Variants in AFF1 observed in about 807,000 individuals in gnomAD.
AFF1 encodes the protein ALF transcription elongation factor 1, also known as AF4/FMR2 family member 1.
A neutral mutation model predicts 121.7 loss-of-function variants in AFF1; 48 were observed. The ratio of observed to expected loss-of-function variants is 0.39; its 90% confidence interval spans 0.31 to 0.50. AFF1 has a LOEUF of 0.50. AFF1 is among the 20% of genes least tolerant of loss of function. The pLI is 0.76. For missense variants in AFF1, 1,523 were observed against 1,511.7 expected (o/e 1.01, Z -0.12); for synonymous variants, 613 against 563.0 (o/e 1.09, Z -1.26).
intron 2 of AFF1, among the ~76,000 whole-genome samples, chr4:87,044,808 C>T (rs1168897734): frequency 2.6e-5 from 4 of 152,086 alleles, no homozygotes; most frequent in Non-Finnish European, 5.9e-5. Flanking sequence ...AGGGGATGGA[C>T]GTGACTGACT....
chr4:86,998,189 G>C (rs1311642084), intron 2 of AFF1, among the ~76,000 whole-genome samples: 1 of 151,500 alleles, frequency 6.6e-6, no homozygotes, highest in Non-Finnish European at 1.5e-5. Flanking sequence ...ATGGAACAGG[G>C]CTCTATTTTA....
At chr4:87,089,531 C>T (rs765976269) in intron 5 of AFF1, among the ~76,000 whole-genome samples, 6 of 152,166 alleles carry the variant, frequency 3.9e-5, no homozygotes, top group Non-Finnish European at 8.8e-5. Flanking sequence ...TACTTGTTTG[C>T]TTAAGTCAAA....
chr4:87,006,995 T>A, intron 2 of AFF1: 1 of 1,083,472 alleles, frequency 9.2e-7, no homozygotes, highest in Admixed American at 5.1e-5. Flanking sequence ...AGAGGCAATT[T>A]CTTTTCCTTT....
chr4:87,114,468 A>G lies in AFF1; in HGVS notation c.1635A>G (p.Pro545=). Residue 545 remains proline, a synonymous_variant, in exon 12 of 21, where the codon CCA becomes CCG. Coordinates refer to ENST00000395146, the MANE Select transcript of AFF1 (RefSeq NM_001166693.3). ...AGGGCCCCAGGAGCACAGAGCCCCC[A>G]CGGCGGCACCCAGAGAGTAAGGGCA... is the stretch of plus-strand genomic sequence containing the variant. ...PPEGPRSTEP[P]RRHPESKGSS... is the part of the protein sequence containing the mutation. 1 of 1,613,596 alleles carries G rather than the reference A, an allele frequency of 6.2e-7. No individual in the cohort carries two copies. The highest frequency in any genetic ancestry group is 8.5e-7 in the Non-Finnish European group (1 of 1,179,964).
intron 2 of AFF1, among the ~76,000 whole-genome samples, chr4:87,012,509 A>C (rs76914594): frequency 6.6e-6 from 1 of 152,190 alleles, no homozygotes; most frequent in Admixed American, 6.5e-5. Context: ...GAGTGAGTAC[A>C]TAACTTTTAC....
At chr4:87,130,889 T>C (rs1348873615) in intron 16 of AFF1, among the ~76,000 whole-genome samples, 194 bp from the exon 17 acceptor site, 1 of 152,230 alleles carries the variant, frequency 6.6e-6, no homozygotes, top group African/African-American at 2.4e-5. Flanking sequence ...TCCTAATGAA[T>C]TTTTGCTAAA....
chr4:86,979,343 C>T (rs907439190), intron 2 of AFF1, among the ~76,000 whole-genome samples: 1 of 152,182 alleles, frequency 6.6e-6, no homozygotes, highest in Non-Finnish European at 1.5e-5. Context: ...AGGTGATCCT[C>T]CCGCCTCGGC....
Position 87,128,048 on chromosome 4 carries a change from C to T in AFF1, c.2964+345C>T, listed in dbSNP as rs533520266. ...TAATCTACCTGCTGGTGATTTAATG[C>T]ATAGGTGCCTTTTTATTCCACTGCA... On this transcript the variant is annotated intron_variant, in intron 16 of 20. Coordinates refer to ENST00000395146, the MANE Select transcript of AFF1 (RefSeq NM_001166693.3). Among the ~76,000 whole-genome samples the T allele has an allele frequency of 2.0e-5, 3 of 152,290 alleles. No individual in the cohort carries two copies. The South Asian group carries it at 6.2e-4, about 32-fold the overall frequency.
At chr4:87,081,874 C>T (rs919525210) in intron 4 of AFF1, among the ~76,000 whole-genome samples, 11 of 152,234 alleles carry the variant, frequency 7.2e-5, no homozygotes, top group Admixed American at 5.2e-4. Flanking sequence ...CTCAAAATTT[C>T]TTCAGTCCTG....
chr4:87,017,029 G>GTTGC (rs1362274089), intron 2 of AFF1, among the ~76,000 whole-genome samples: 1 of 148,974 alleles, frequency 6.7e-6, no homozygotes, highest in African/African-American at 2.5e-5. Context: ...TGTGAATAAT[G>GTTGC]TTGCTGTGAA....
chr4:86,979,652 C>T (rs1723577167), intron 2 of AFF1, among the ~76,000 whole-genome samples: 1 of 151,954 alleles, frequency 6.6e-6, no homozygotes, highest in Non-Finnish European at 1.5e-5. Flanking sequence ...TGAAAAGATA[C>T]TCAGTCATGC....
chr4:87,044,467 ATG>A (rs1224913278), intron 2 of AFF1, among the ~76,000 whole-genome samples: 1 of 152,154 alleles, frequency 6.6e-6, no homozygotes, highest in Non-Finnish European at 1.5e-5. Flanking sequence ...GAACTAATTG[ATG>A]TGTTAGGTAA....
In AFF1 at chr4:87,000,605, CTGTGTG is replaced by C. The variant is rs57615388; in HGVS notation, c.39-45530_39-45525del. On this transcript the variant is annotated intron_variant, in intron 2 of 20. Coordinates refer to ENST00000395146, the MANE Select transcript of AFF1 (RefSeq NM_001166693.3). ...TAAAACATTTATTAAAAAATAAACT[CTGTGTG>C]TGTGTGTGTGTGTGTGTGTGTGTGT... 5.6e-3 allele frequency among the ~76,000 whole-genome samples: 817 copies of C among 146,480 alleles called. 6 individuals carry two copies. The highest frequency in any genetic ancestry group is 0.019 in the African/African-American group (739 of 39,888).
intron 12 of AFF1, among the ~76,000 whole-genome samples, chr4:87,116,102 A>G (rs1360874417): frequency 6.6e-6 from 1 of 152,206 alleles, no homozygotes; most frequent in Non-Finnish European, 1.5e-5. Flanking sequence ...ATTTTAACGC[A>G]TGACCATACA....
intron 4 of AFF1, among the ~76,000 whole-genome samples, chr4:87,080,518 A>G (rs1723060172): frequency 6.6e-6 from 1 of 152,068 alleles, no homozygotes. Context: ...TGGAGACCCT[A>G]TTGGGAGAGT....
intron 1 of AFF1, among the ~76,000 whole-genome samples, chr4:86,941,885 T>C (rs1306917980): frequency 3.3e-5 from 5 of 150,854 alleles, no homozygotes; most frequent in Admixed American, 3.3e-4. Context: ...CTTGTAAAAA[T>C]ATGCACAAAT....
At chr4:87,000,231 G>A (rs927180266) in intron 2 of AFF1, among the ~76,000 whole-genome samples, 11 of 152,168 alleles carry the variant, frequency 7.2e-5, no homozygotes, top group African/African-American at 2.4e-4. Flanking sequence ...TCCTGTGTCT[G>A]CTTCATTCTC....
chr4:86,980,581 G>T (rs994863408), intron 2 of AFF1, among the ~76,000 whole-genome samples: 1 of 152,214 alleles, frequency 6.6e-6, no homozygotes, highest in South Asian at 2.1e-4. Context: ...TTCTACTGTT[G>T]CATAATCTCT....
rs200589464 is a variant in AFF1, at chr4:86,980,952, C to CG, written c.38+32381_38+32382insG. Reference sequence around the variant, plus strand: ...CACTTTGCGAGGCTTGAGGCACCCCCCCCCTCCACCAAAAAAAAGGAAAGT... The same window carrying CG: ...CACTTTGCGAGGCTTGAGGCACCCCCGCCCCTCCACCAAAAAAAAGGAAAGT... On this transcript the variant is annotated intron_variant, in intron 2 of 20. Coordinates refer to ENST00000395146, the MANE Select transcript of AFF1 (RefSeq NM_001166693.3). Among the ~76,000 whole-genome samples the CG allele has an allele frequency of 1.6e-3, 215 of 136,092 alleles. 13 individuals carry two copies. Among genetic ancestry groups the CG allele is most frequent in the Non-Finnish European group, 2.6e-3 (156 of 60,782 alleles). The allele number at this position is 136,092 out of a possible 152,430, so 89.3% of individuals were successfully genotyped here.
Sources: gnomAD v4.1 joint callset for allele counts (sites outside exome capture counted in the v4.1 genomes callset) on GRCh38, gnomAD v4.1.1 for gene constraint, MANE v1.5 for transcripts, NCBI Gene and HGNC (gene_info 2026-07-23, HGNC 2026-07-21) for gene names.